The following IRAG2 variants were observed in gnomAD, a reference collection of about 807,000 sequenced individuals.
IRAG2 encodes the protein inositol 1,4,5-triphosphate receptor associated 2, also known as lymphoid restricted membrane protein.
IRAG2 carries 45 observed loss-of-function variants against 69.9 expected under a neutral mutation model. That is an observed-to-expected ratio of 0.64 (90% CI 0.51 to 0.83). The LOEUF is 0.83. Ranked by LOEUF, IRAG2 falls within the 40% of genes least tolerant of loss-of-function variation. The pLI is 0.00. For missense variants in IRAG2, 520 were observed against 587.0 expected (o/e 0.89, Z 1.18); for synonymous variants, 193 against 202.4 (o/e 0.95, Z 0.40).
intron 16 of IRAG2, among the ~76,000 whole-genome samples, chr12:25,044,609 A>G (rs1944777448): frequency 6.6e-6 from 1 of 152,186 alleles, no homozygotes; most frequent in African/African-American, 2.4e-5. Flanking sequence ...TGGTAGCCAA[A>G]AGAGAGTATG....
At chr12:25,050,507 G>C (rs1420394819), upstream of IRAG2, among the ~76,000 whole-genome samples, 2 of 124,518 alleles carry the variant, frequency 1.6e-5, no homozygotes, top group Non-Finnish European at 3.2e-5. Flanking sequence ...CCAGCCTGGA[G>C]ACAGAGCGAG....
chr12:25,019,622 A>G lies in IRAG2; in HGVS notation c.1215-1168A>G, dbSNP rs538560854. 2.6e-5 allele frequency among the ~76,000 whole-genome samples: 4 copies of G among 151,914 alleles called. No individual in the cohort carries two copies. The East Asian group carries it at 7.8e-4, about 29-fold the overall frequency. ...CTGCTCCTCTGCCAGTGGAGCTTGG[A>G]GTTTTTGTGGGTACAGGATAGGGGG... On this transcript the variant is annotated intron_variant, in intron 6 of 38. Transcript: ENST00000636465.
At chr12:25,079,858 G>A in intron 9 of IRAG2, 95 bp downstream of exon 9, 2 of 674,566 alleles carry the variant, frequency 3.0e-6, no homozygotes, top group East Asian at 2.8e-5. Flanking sequence ...GCTCAATAAT[G>A]TTATTTAATT....
upstream of IRAG2, among the ~76,000 whole-genome samples, chr12:25,049,641 G>A (rs145336783): frequency 6.6e-6 from 1 of 152,302 alleles, no homozygotes; most frequent in East Asian, 1.9e-4. Context: ...TTAGGAAAAT[G>A]CAAGTTAAGA....
At chr12:25,049,867 T>C (rs916944098), upstream of IRAG2, among the ~76,000 whole-genome samples, 5 of 149,868 alleles carry the variant, frequency 3.3e-5, no homozygotes, top group African/African-American at 1.2e-4. Flanking sequence ...CCTGTAGTCC[T>C]AGCTACCCGG....
chr12:25,037,946 G>A (rs1055946404), intron 15 of IRAG2: 16 of 398,516 alleles, frequency 4.0e-5, no homozygotes, highest in South Asian at 1.3e-4. Flanking sequence ...TTGGAGTACT[G>A]GGGTTTGTTT....
intron 20 of IRAG2, 28 bp downstream of exon 20, chr12:25,104,490 C>A (rs1455273629): frequency 1.6e-6 from 2 of 1,273,296 alleles, no homozygotes; most frequent in East Asian, 2.3e-5. Context: ...TGTTTATTAA[C>A]CTGACATGAA....
intron 9 of IRAG2, among the ~76,000 whole-genome samples, chr12:25,027,393 T>C (rs1364576485): frequency 7.0e-6 from 1 of 142,148 alleles, no homozygotes; most frequent in Non-Finnish European, 1.5e-5. Context: ...TACCTCTTTT[T>C]TTTTCTTTTT....
Position 25,104,421 on chromosome 12 carries a change from C to G in IRAG2, c.1107C>G (p.Thr369=), listed in dbSNP as rs1226483403. ...CCTCATTACCTCGATTTATTAGCAC[C>G]TATTCCTGGGCAGATGCTGAAGAAG... is the stretch of plus-strand genomic sequence containing the variant. ...HRPSLPRFIS[T]YSWADAEEEK... Residue 369 remains threonine (T), a synonymous_variant, in exon 20 of 22, where the codon ACC becomes ACG. Coordinates refer to ENST00000556887, the MANE Select transcript of IRAG2 (RefSeq NM_001366544.2). 1 of 1,613,266 alleles carries G rather than the reference C, an allele frequency of 6.2e-7. No homozygotes were observed. The highest frequency in any genetic ancestry group is 1.3e-5 in the African/African-American group (1 of 74,896).
intron 15 of IRAG2, among the ~76,000 whole-genome samples, chr12:25,037,691 C>T (rs1944712471): frequency 6.6e-6 from 1 of 152,120 alleles, no homozygotes; most frequent in African/African-American, 2.4e-5. Flanking sequence ...CTGAAGTTGT[C>T]AGGGGAAACT....
At chr12:25,059,906 T>C (rs1945512555) in intron 1 of IRAG2, among the ~76,000 whole-genome samples, 2 of 152,220 alleles carry the variant, frequency 1.3e-5, no homozygotes, top group South Asian at 4.1e-4. Context: ...TCATTAGCAT[T>C]ATGCTCATGA....
Position 25,103,813 on chromosome 12 carries a change from T to C in IRAG2, c.934-24T>C, listed in dbSNP as rs1359107576. 5 of 1,553,888 alleles carry C rather than the reference T, an allele frequency of 3.2e-6. No homozygotes were observed. The Middle Eastern group carries it at 7.1e-4, about 221-fold the overall frequency. On this transcript the variant is annotated intron_variant, in intron 17 of 21. Transcript: ENST00000556887. The stretch of plus-strand genomic sequence containing the variant: ...GATAAATTATTGAGAGTTTTCTAAA[T>C]GTACATTTTCCTCCTTCTGGTAGCC...
upstream of IRAG2, among the ~76,000 whole-genome samples, chr12:25,050,527 CAAAA>C (rs747761089): frequency 2.1e-5 from 1 of 47,920 alleles, no homozygotes; most frequent in Non-Finnish European, 6.4e-5. Flanking sequence ...GACTCCGTCT[CAAAA>C]AAAACAAACA....
intron 16 of IRAG2, among the ~76,000 whole-genome samples, chr12:25,043,419 T>C (rs545159770): frequency 1.9e-4 from 29 of 152,302 alleles, no homozygotes; most frequent in African/African-American, 6.7e-4. Context: ...GATGCCTGGA[T>C]ACCACTGAAA....
At chr12:25,008,995 T>C (rs1178414869) in intron 2 of IRAG2, among the ~76,000 whole-genome samples, 1 of 152,180 alleles carries the variant, frequency 6.6e-6, no homozygotes, top group Admixed American at 6.5e-5. Context: ...TGGATATTAA[T>C]TTTTTCTGCT....
chr12:25,010,663 T>C (rs1243241894), intron 2 of IRAG2, among the ~76,000 whole-genome samples: 1 of 152,160 alleles, frequency 6.6e-6, no homozygotes, highest in East Asian at 1.9e-4. Context: ...TTTTCTGATG[T>C]CATGGTCTAT....
chr12:25,106,183 A>G (rs1462927973), intron 20 of IRAG2, among the ~76,000 whole-genome samples: 1 of 151,978 alleles, frequency 6.6e-6, no homozygotes, highest in African/African-American at 2.4e-5. Context: ...ATACAGAGAA[A>G]GGAATAAAAT....
At chr12:25,066,613 T>C (rs558999315) in intron 5 of IRAG2, 101 bp downstream of exon 5, 1 of 397,046 alleles carries the variant, frequency 2.5e-6, no homozygotes, top group South Asian at 1.4e-4. Flanking sequence ...TGAGATCACA[T>C]CTTTATTGTC....
At chr12:25,101,067 T>G (rs1010330707) in intron 15 of IRAG2, 111 bp from the exon 16 acceptor site, 41 of 847,854 alleles carry the variant, frequency 4.8e-5, no homozygotes, top group Non-Finnish European at 6.5e-5. Context: ...AAACATTTAT[T>G]GCCACTTTAG....
Sources: allele counts gnomAD v4.1 joint callset (sites outside exome capture counted in the v4.1 genomes callset), GRCh38; gene constraint gnomAD v4.1.1; transcripts MANE v1.5; gene names NCBI Gene and HGNC (gene_info 2026-07-23, HGNC 2026-07-21).